The following FHIT variants were observed in gnomAD, a reference collection of about 807,000 sequenced individuals.
FHIT encodes the protein fragile histidine triad diadenosine triphosphatase, also known as bis(5'-adenosyl)-triphosphatase.
Under a neutral mutation model 17.9 loss-of-function variants are expected in FHIT, and 19 were observed. That is an observed-to-expected ratio of 1.06 (90% confidence interval 0.74 to 1.56). The LOEUF is 1.56. FHIT is among the 40% of genes most tolerant of loss of function. FHIT has a pLI of 0.00. For missense variants in FHIT, 248 were observed against 189.2 expected, an observed-to-expected ratio of 1.31 and a Z score of -1.82; for synonymous variants, 81 against 69.7, an observed-to-expected ratio of 1.16 and a Z score of -0.81.
At chr3:61,180,913 A>G (rs1018592873) in intron 2 of FHIT, among the ~76,000 whole-genome samples, 2 of 152,194 alleles carry the variant, frequency 1.3e-5, no homozygotes, top group Non-Finnish European at 2.9e-5. Flanking sequence ...TAATCATTTT[A>G]GGCCTGAGTT....
rs143525760 is a variant in FHIT at position 60,429,607 on chromosome 3, C to G, written c.103+107253G>C. 3.4e-4 allele frequency among the ~76,000 whole-genome samples: 51 copies of G among 152,098 alleles called. No homozygotes were observed. The East Asian group carries it at 9.7e-3, about 29-fold the overall frequency. On this transcript the variant is annotated intron_variant, in intron 5 of 9. Transcript: ENST00000492590. ...CCCGGCCCTGTTTAAGGGTATCTAT[C>G]ACACAGTGATAGATGATGCTCTAAT...
At chr3:60,058,172 G>T (rs1002574570) in intron 5 of FHIT, among the ~76,000 whole-genome samples, 1 of 114,790 alleles carries the variant, frequency 8.7e-6, no homozygotes, top group East Asian at 2.6e-4. Context: ...ACAGAGTCTC[G>T]CTCTGTCACC....
chr3:60,141,767 A>T (rs1403696858), intron 5 of FHIT, among the ~76,000 whole-genome samples: 3 of 152,212 alleles, frequency 2.0e-5, no homozygotes, highest in African/African-American at 7.2e-5. Context: ...ACGTTTACCA[A>T]CAAACTTCAG....
chr3:60,361,788 C>T (rs1274122358), intron 5 of FHIT, among the ~76,000 whole-genome samples: 2 of 152,184 alleles, frequency 1.3e-5, no homozygotes, highest in African/African-American at 2.4e-5. Context: ...TCTCCTGACT[C>T]GTACAAACAC....
intron 4 of FHIT, among the ~76,000 whole-genome samples, chr3:60,775,026 G>T (rs1484316807): frequency 6.6e-6 from 1 of 152,220 alleles, no homozygotes; most frequent in Non-Finnish European, 1.5e-5. Flanking sequence ...TTATAAAGCA[G>T]TGGTTTCCAA....
chr3:59,807,978 G>T (rs747672888), intron 8 of FHIT, among the ~76,000 whole-genome samples: 5 of 152,114 alleles, frequency 3.3e-5, no homozygotes, highest in Non-Finnish European at 7.4e-5. Context: ...TCGTTCAGTG[G>T]CATTTAGTGC....
chr3:60,615,462 T>A (rs1466110045), intron 4 of FHIT, among the ~76,000 whole-genome samples: 1 of 152,180 alleles, frequency 6.6e-6, no homozygotes, highest in Non-Finnish European at 1.5e-5. Context: ...AGTATTACAG[T>A]AAAAGAACAG....
intron 5 of FHIT, among the ~76,000 whole-genome samples, chr3:60,481,517 T>C (rs964736318): frequency 5.3e-5 from 8 of 152,174 alleles, no homozygotes; most frequent in African/African-American, 1.9e-4. Flanking sequence ...TGGGGGCCAA[T>C]ATTCAGCATT....
chr3:60,427,671 A>T (rs1702723506), intron 5 of FHIT, among the ~76,000 whole-genome samples: 1 of 152,040 alleles, frequency 6.6e-6, no homozygotes. Context: ...CTCCAAAGTG[A>T]TTATGCCTAA....
chr3:59,830,448 G>A (rs1407072788), intron 8 of FHIT, among the ~76,000 whole-genome samples: 1 of 152,148 alleles, frequency 6.6e-6, no homozygotes, highest in Non-Finnish European at 1.5e-5. Flanking sequence ...TGTATAATTA[G>A]CTCCCTGTTT....
chr3:60,594,237 G>C (rs2038186183), intron 4 of FHIT, among the ~76,000 whole-genome samples: 1 of 151,622 alleles, frequency 6.6e-6, no homozygotes, highest in Non-Finnish European at 1.5e-5. Context: ...ACTCAAATCT[G>C]GCCAGGCCGC....
rs1168549915 is a variant in FHIT at position 59,986,904 on chromosome 3, T to C, written c.279+24467A>G. 1.7e-5 allele frequency among the ~76,000 whole-genome samples: 2 copies of C among 119,326 alleles called. 1 individual carries two copies. The highest frequency in any genetic ancestry group is 4.6e-4 in the East Asian group (2 of 4,366). 78.3% of individuals were successfully genotyped at this position (119,326 alleles called of 152,430 possible). A position where few individuals can be genotyped will look rare whatever the true frequency, so the allele number is the denominator to read the frequency against. ...TTTTATATATTCATATATTTTATAT[T>C]ATATATTAAAAATATATGTACGTAT... On this transcript the variant is annotated intron_variant, in intron 7 of 9. Transcript: ENST00000492590.
chr3:59,873,692 T>C (rs1381240284), intron 8 of FHIT, among the ~76,000 whole-genome samples: 1 of 152,088 alleles, frequency 6.6e-6, no homozygotes, highest in Non-Finnish European at 1.5e-5. Flanking sequence ...CAAGCACACA[T>C]GCCTCCAGAC....
At chr3:60,931,364 T>C (rs1707943833) in intron 3 of FHIT, among the ~76,000 whole-genome samples, 1 of 152,174 alleles carries the variant, frequency 6.6e-6, no homozygotes, top group African/African-American at 2.4e-5. Context: ...TACAGTATAA[T>C]TTAAAAAAAT....
At chr3:59,898,697 C>T in intron 8 of FHIT, among the ~76,000 whole-genome samples, 1 of 151,604 alleles carries the variant, frequency 6.6e-6, no homozygotes, top group East Asian at 1.9e-4. Context: ...TGGTCTCTGT[C>T]TTTCTCCTGC....
At chr3:60,413,639 T>G (rs1424225854) in intron 5 of FHIT, among the ~76,000 whole-genome samples, 2 of 123,886 alleles carry the variant, frequency 1.6e-5, no homozygotes, top group African/African-American at 3.2e-5. Context: ...GCAAGTTGAC[T>G]GCAGGGAACT....
At chr3:60,239,246 T>C (rs1704979843) in intron 5 of FHIT, among the ~76,000 whole-genome samples, 1 of 152,192 alleles carries the variant, frequency 6.6e-6, no homozygotes, top group African/African-American at 2.4e-5. Context: ...AATTTGGTAG[T>C]TGAATGTACT....
chr3:60,438,226 G>C (rs2030450344), intron 5 of FHIT, among the ~76,000 whole-genome samples: 1 of 152,102 alleles, frequency 6.6e-6, no homozygotes, highest in Admixed American at 6.6e-5. Context: ...CCTGTCCTCA[G>C]ACTGACCCTG....
chr3:59,905,784 A>C (rs1356691832), intron 8 of FHIT, among the ~76,000 whole-genome samples: 2 of 152,226 alleles, frequency 1.3e-5, no homozygotes, highest in Non-Finnish European at 2.9e-5. Flanking sequence ...GAAGAACAAA[A>C]ACGTCAACGT....
Sources: allele counts gnomAD v4.1 joint callset (sites outside exome capture counted in the v4.1 genomes callset), GRCh38; gene constraint gnomAD v4.1.1; transcripts MANE v1.5; gene names NCBI Gene and HGNC (gene_info 2026-07-23, HGNC 2026-07-21).